The following NUFIP1 variants were observed in gnomAD, a reference collection of about 807,000 sequenced individuals.
The protein encoded by NUFIP1 is nuclear FMR1 interacting protein 1, also known as FMR1-interacting protein NUFIP1.
A neutral mutation model predicts 56.2 loss-of-function variants in NUFIP1; 38 were observed. The observed-to-expected ratio is 0.68, with a 90% confidence interval of 0.52 to 0.89. The LOEUF is 0.89. Ranked by LOEUF, NUFIP1 falls within the 40% of genes least tolerant of loss-of-function variation. NUFIP1 has a pLI of 0.00. For missense variants in NUFIP1, 567 were observed against 605.8 expected, an observed-to-expected ratio of 0.94 and a Z score of 0.67; for synonymous variants, 215 against 212.4, an observed-to-expected ratio of 1.01 and a Z score of -0.10.
At chr13:44,954,549 C>G (rs1308985663) in intron 7 of NUFIP1, among the ~76,000 whole-genome samples, 1 of 152,076 alleles carries the variant, frequency 6.6e-6, no homozygotes, top group Non-Finnish European at 1.5e-5. Context: ...GCTCTAAACA[C>G]CAACTGTAAA....
intron 5 of NUFIP1, among the ~76,000 whole-genome samples, chr13:44,972,989 C>T (rs951201248): frequency 6.6e-6 from 1 of 152,198 alleles, no homozygotes; most frequent in Non-Finnish European, 1.5e-5. Context: ...TGTCTGTTAA[C>T]ATATATTCAA....
intron 7 of NUFIP1, 34 bp from the exon 8 acceptor site, chr13:44,949,872 A>G: frequency 7.2e-7 from 1 of 1,390,802 alleles, no homozygotes; most frequent in Non-Finnish European, 1.0e-6. Flanking sequence ...CAAAACATCT[A>G]CCACCATAAA....
At chr13:44,964,875 C>G (rs773478495) in intron 6 of NUFIP1, among the ~76,000 whole-genome samples, 1 of 152,200 alleles carries the variant, frequency 6.6e-6, no homozygotes, top group South Asian at 2.1e-4. Flanking sequence ...AGACTAAACA[C>G]TGCTCTGGTT....
In NUFIP1 at chr13:44,979,957, G is replaced by T. The variant is rs371450407; in HGVS notation, c.595-5C>A. The T allele has an allele frequency of 3.1e-6, 5 of 1,591,222 alleles. No individual in the cohort carries two copies. In the African/African-American group the frequency reaches 5.4e-5, roughly 17 times the overall value. ...AGAGCAATCTAATTCAGGGCACTAT[G>T]AGTTTTTAAAAGAAAAAAAAAACTA... On this transcript the variant is annotated splice_region_variant and splice_polypyrimidine_tract_variant and intron_variant, in intron 3 of 9. Transcript: ENST00000379161.
intron 4 of NUFIP1, among the ~76,000 whole-genome samples, chr13:44,979,571 C>T (rs771379746): frequency 3.3e-5 from 5 of 152,124 alleles, no homozygotes; most frequent in Non-Finnish European, 7.4e-5. Flanking sequence ...CCTAGAGAGG[C>T]CACTAAAGAT....
intron 5 of NUFIP1, among the ~76,000 whole-genome samples, chr13:44,976,359 A>G (rs1277317958): frequency 6.8e-6 from 1 of 146,488 alleles, no homozygotes; most frequent in Non-Finnish European, 1.5e-5. Context: ...AGGAGAAAGG[A>G]GGAGGAGGAG....
chr13:44,943,325 A>C (rs1870805370), intron 9 of NUFIP1, 117 bp downstream of exon 9: 3 of 805,766 alleles, frequency 3.7e-6, no homozygotes, highest in Admixed American at 2.6e-5. Context: ...CTCCAAGGTC[A>C]ATGTGTCTCT....
At chr13:44,949,232 C>G (rs1330533317) in intron 8 of NUFIP1, among the ~76,000 whole-genome samples, 2 of 109,910 alleles carry the variant, frequency 1.8e-5, no homozygotes, top group East Asian at 2.8e-4. Context: ...GACGGAGTCT[C>G]GCTCTGTCGC....
At chr13:44,975,828 T>A (rs1264630772) in intron 5 of NUFIP1, among the ~76,000 whole-genome samples, 1 of 152,226 alleles carries the variant, frequency 6.6e-6, no homozygotes, top group East Asian at 1.9e-4. Flanking sequence ...TTGGTTACCA[T>A]TAATTTAATA....
intron 1 of NUFIP1, among the ~76,000 whole-genome samples, chr13:44,987,225 A>T (rs1872429138): frequency 6.6e-6 from 1 of 152,086 alleles, no homozygotes; most frequent in Non-Finnish European, 1.5e-5. Flanking sequence ...TAAAAATACA[A>T]AAATTAGCCA....
At chr13:44,947,085 A>T (rs1181645708) in intron 8 of NUFIP1, among the ~76,000 whole-genome samples, 1 of 152,224 alleles carries the variant, frequency 6.6e-6, no homozygotes, top group Non-Finnish European at 1.5e-5. Context: ...TCTATAAAAG[A>T]AAAGTCTACG....
chr13:44,961,599 T>C (rs868089273), intron 6 of NUFIP1, among the ~76,000 whole-genome samples: 3 of 152,308 alleles, frequency 2.0e-5, no homozygotes, highest in African/African-American at 4.8e-5. Context: ...AATTAATATA[T>C]ATGTATAGTC....
chr13:44,984,137 C>T (rs1872297052), intron 1 of NUFIP1, among the ~76,000 whole-genome samples: 4 of 152,158 alleles, frequency 2.6e-5, no homozygotes, highest in African/African-American at 4.8e-5. Context: ...TGTACTGACA[C>T]CTCTTTCTCT....
chr13:44,967,794 C>T lies in NUFIP1; in HGVS notation c.735-1858G>A, dbSNP rs190312432. 4.3e-3 allele frequency among the ~76,000 whole-genome samples: 660 copies of T among 152,194 alleles called. 18 individuals carry two copies. Among genetic ancestry groups the T allele is most frequent in the Admixed American group, 0.04 (616 of 15,284 alleles). On this transcript the variant is annotated intron_variant, in intron 5 of 9. Transcript: ENST00000379161. ...GCACAGCTGTGTGGAGATGCAGACACCAAACTTTCAGGAAGAGGGCAATAG... is the reference window on the plus strand; with the variant it reads ...GCACAGCTGTGTGGAGATGCAGACATCAAACTTTCAGGAAGAGGGCAATAG...
intron 6 of NUFIP1, among the ~76,000 whole-genome samples, chr13:44,965,440 A>AT (rs1231364322): frequency 1.3e-5 from 2 of 152,250 alleles, no homozygotes; most frequent in Non-Finnish European, 2.9e-5. Flanking sequence ...CAGGTGCGGT[A>AT]ATCCCATCAC....
chr13:44,984,165 TC>T (rs1408723936), intron 1 of NUFIP1, among the ~76,000 whole-genome samples: 1 of 152,188 alleles, frequency 6.6e-6, no homozygotes, highest in East Asian at 1.9e-4. Flanking sequence ...AAACATCTCT[TC>T]CCAAATTCTA....
At chr13:44,951,629 A>G (rs1871086437) in intron 7 of NUFIP1, among the ~76,000 whole-genome samples, 1 of 152,210 alleles carries the variant, frequency 6.6e-6, no homozygotes, top group South Asian at 2.1e-4. Flanking sequence ...CCAAACAGTT[A>G]TTTGATATGC....
chr13:44,968,428 G>A (rs1871686826), intron 5 of NUFIP1, among the ~76,000 whole-genome samples: 1 of 150,970 alleles, frequency 6.6e-6, no homozygotes, highest in African/African-American at 2.4e-5. Context: ...AAAAAGACTT[G>A]GAAGGGATTC....
intron 5 of NUFIP1, among the ~76,000 whole-genome samples, chr13:44,976,226 T>A (rs1334249515): frequency 6.6e-6 from 1 of 151,868 alleles, no homozygotes; most frequent in Non-Finnish European, 1.5e-5. Context: ...AATGTACATA[T>A]CAGAAACGAA....
Sources: gnomAD v4.1 joint callset for allele counts (sites outside exome capture counted in the v4.1 genomes callset) on GRCh38, gnomAD v4.1.1 for gene constraint, MANE v1.5 for transcripts, NCBI Gene and HGNC (gene_info 2026-07-23, HGNC 2026-07-21) for gene names.